Variants in KANK4 observed in about 807,000 individuals in gnomAD.
The protein encoded by KANK4 is KN motif and ankyrin repeat domains 4.
In KANK4, 50 loss-of-function variants were observed where a neutral mutation model predicts 80.8. The observed-to-expected ratio is 0.62, with a 90% confidence interval of 0.49 to 0.78. KANK4 has a LOEUF of 0.78. KANK4 is among the 30% of genes least tolerant of loss of function. KANK4 has a pLI of 0.00. For synonymous variants in KANK4, 465 were observed against 506.9 expected (o/e 0.92, Z 1.11); for missense variants, 1,196 against 1,240.1 (o/e 0.96, Z 0.53).
intron 3 of KANK4, 98 bp from the exon 4 acceptor site, chr1:62,271,687 G>T (rs1672167522): frequency 1.2e-6 from 1 of 869,042 alleles, no homozygotes; most frequent in South Asian, 1.4e-5. Context: ...GGTTGCAGGT[G>T]TGTGGAGAGG....
chr1:62,283,330 C>G (rs541190820), intron 1 of KANK4, among the ~76,000 whole-genome samples: 2 of 152,234 alleles, frequency 1.3e-5, no homozygotes, highest in East Asian at 3.9e-4. Context: ...AATCTTTACA[C>G]CATCACCCAA....
chr1:62,313,924 C>T (rs895277273), intron 1 of KANK4, among the ~76,000 whole-genome samples: 1 of 152,124 alleles, frequency 6.6e-6, no homozygotes, highest in African/African-American at 2.4e-5. Flanking sequence ...TCATACTCAA[C>T]GTCGTACCTA....
At chr1:62,239,263 G>A (rs1330405491) in intron 9 of KANK4, among the ~76,000 whole-genome samples, 1 of 151,976 alleles carries the variant, frequency 6.6e-6, no homozygotes, top group Admixed American at 6.6e-5. Flanking sequence ...TACCAACTTT[G>A]AATTTGCTTT....
intron 1 of KANK4, among the ~76,000 whole-genome samples, chr1:62,286,549 A>C (rs768868809): frequency 1.6e-4 from 24 of 152,224 alleles, no homozygotes; most frequent in Non-Finnish European, 2.4e-4. Context: ...AGAGACATCC[A>C]AACAACACAC....
At chr1:62,268,179 G>A in intron 5 of KANK4, 108 bp downstream of exon 5, 1 of 868,644 alleles carries the variant, frequency 1.2e-6, no homozygotes, top group South Asian at 1.5e-5. Context: ...AACAACACTG[G>A]CAAATGGATG....
intron 1 of KANK4, among the ~76,000 whole-genome samples, chr1:62,315,949 G>C (rs530914057): frequency 2.6e-5 from 4 of 152,366 alleles, no homozygotes; most frequent in African/African-American, 7.2e-5. Flanking sequence ...TCCTGGCACA[G>C]AGCAGAGGCT....
At chr1:62,265,698 C>T (rs570325638) in intron 6 of KANK4, among the ~76,000 whole-genome samples, 48 of 152,314 alleles carry the variant, frequency 3.2e-4, no homozygotes, top group African/African-American at 1.1e-3. Flanking sequence ...AAAATGCTTA[C>T]GGGTTGTTCC....
In KANK4 at chr1:62,268,483, C is replaced by A; in HGVS notation, c.2035G>T (p.Glu679Ter). ...GGGGTGCTGTCCTCACCGCTGGTCT[C>A]CTCACTTGAGGTGGTCTCATACCTG... ...NGGYETTSSE[E>*]TSGEDSTPED... The change falls in exon 5 of 10, where the codon GAG (glutamate) becomes TAG (stop). Residue 679 changes from glutamate (E) to a stop codon, truncating the protein, a stop_gained. Coordinates refer to ENST00000371153, the MANE Select transcript of KANK4 (RefSeq NM_181712.5). LOFTEE classifies it high-confidence loss of function. The A allele has an allele frequency of 6.2e-7, 1 of 1,613,706 alleles. No individual in the cohort carries two copies. The highest frequency in any genetic ancestry group is 8.5e-7 in the Non-Finnish European group (1 of 1,179,990).
chr1:62,276,084 G>A (rs1160379056), intron 2 of KANK4, among the ~76,000 whole-genome samples: 1 of 151,886 alleles, frequency 6.6e-6, no homozygotes, highest in African/African-American at 2.4e-5. Flanking sequence ...ATACCCTGGG[G>A]GGCCATCATG....
At chr1:62,265,004 G>A (rs905684008) in intron 6 of KANK4, among the ~76,000 whole-genome samples, 3 of 152,056 alleles carry the variant, frequency 2.0e-5, no homozygotes, top group East Asian at 1.9e-4. Flanking sequence ...GCTAATTTTC[G>A]TACTTTAGTA....
At chr1:62,243,124 T>C (rs764644260) in intron 9 of KANK4, among the ~76,000 whole-genome samples, 18 of 152,260 alleles carry the variant, frequency 1.2e-4, no homozygotes, top group Non-Finnish European at 2.1e-4. Context: ...GTTTCTGCCA[T>C]GATAGATTTC....
At chr1:62,283,240 C>T (rs532318780) in intron 1 of KANK4, among the ~76,000 whole-genome samples, 71 of 152,280 alleles carry the variant, frequency 4.7e-4, no homozygotes, top group African/African-American at 1.6e-3. Flanking sequence ...GCTCCTGCTC[C>T]CCTCTCCCTC....
chr1:62,263,543 T>C (rs1381186011), intron 6 of KANK4: 1 of 507,726 alleles, frequency 2.0e-6, no homozygotes, highest in Non-Finnish European at 3.4e-6. Flanking sequence ...GACAGCCTAG[T>C]AACCAGTAAC....
intron 6 of KANK4, among the ~76,000 whole-genome samples, chr1:62,264,903 C>T (rs1233016009): frequency 6.6e-6 from 1 of 152,186 alleles, no homozygotes; most frequent in African/African-American, 2.4e-5. Flanking sequence ...ATGATCTCAG[C>T]TTGCTGTAAC....
chr1:62,314,017 T>C (rs1644519449), intron 1 of KANK4, among the ~76,000 whole-genome samples: 2 of 152,064 alleles, frequency 1.3e-5, no homozygotes, highest in African/African-American at 4.8e-5. Context: ...TTTGTTTTGA[T>C]TTGTTTTGTT....
chr1:62,264,144 G>A (rs1451194635), intron 6 of KANK4, among the ~76,000 whole-genome samples: 1 of 152,218 alleles, frequency 6.6e-6, no homozygotes, highest in African/African-American at 2.4e-5. Context: ...TCGGCCGGGC[G>A]CGGCAGCTCT....
At chr1:62,285,573 G>C (rs529595061) in intron 1 of KANK4, among the ~76,000 whole-genome samples, 1 of 152,086 alleles carries the variant, frequency 6.6e-6, no homozygotes, top group African/African-American at 2.4e-5. Flanking sequence ...TAAAAATGTG[G>C]TATTTCATCC....
At chr1:62,311,122 A>G (rs1453587705) in intron 1 of KANK4, among the ~76,000 whole-genome samples, 1 of 152,108 alleles carries the variant, frequency 6.6e-6, no homozygotes, top group Non-Finnish European at 1.5e-5. Flanking sequence ...CTACCAAAAG[A>G]ATATGGCAGC....
chr1:62,302,627 C>T (rs2149167725), intron 1 of KANK4, among the ~76,000 whole-genome samples: 1 of 152,158 alleles, frequency 6.6e-6, no homozygotes, highest in Admixed American at 6.5e-5. Context: ...AGAGTGCTCC[C>T]TGGCCTCTTC....
Sources: gnomAD v4.1 joint callset for allele counts (sites outside exome capture counted in the v4.1 genomes callset) on GRCh38, gnomAD v4.1.1 for gene constraint, MANE v1.5 for transcripts, NCBI Gene and HGNC (gene_info 2026-07-23, HGNC 2026-07-21) for gene names.